PCARE: variants seen among roughly 807,000 people sequenced by gnomAD.
PCARE encodes the protein photoreceptor cilium actin regulator.
In PCARE, 72 loss-of-function variants were observed where a neutral mutation model predicts 82.2. The observed-to-expected ratio is 0.88, with a 90% confidence interval of 0.72 to 1.07. PCARE has a LOEUF of 1.07. PCARE is among the 50% of genes least tolerant of loss of function. The pLI is 0.00. For synonymous variants in PCARE, 705 were observed against 634.8 expected (o/e 1.11, Z -1.66); for missense variants, 1,768 against 1,592.4 (o/e 1.11, Z -1.88).
rs1438881728 is a variant in PCARE, at chr2:29,072,576, C to G, written c.1686G>C (p.Gln562His). Residue 562 changes from glutamine (Q) to histidine (H), a missense_variant, in exon 1 of 2, where the codon CAG becomes CAC. Coordinates refer to ENST00000331664, the MANE Select transcript of PCARE (RefSeq NM_001029883.3). Reference sequence around the variant, plus strand: ...TCCCCTCCTCCTCCTCAGACCAGTCCTGGTGCCCACAGGGCACAGGGACAA... The same window carrying G: ...TCCCCTCCTCCTCCTCAGACCAGTCGTGGTGCCCACAGGGCACAGGGACAA... ...IKFVPVPCGH[Q>H]DWSEEEEGRT... The G allele has an allele frequency of 1.2e-6, 2 of 1,614,132 alleles. No individual in the cohort carries two copies. Among genetic ancestry groups the G allele is most frequent in the Admixed American group, 3.3e-5 (2 of 60,026 alleles).
intron 1 of PCARE, among the ~76,000 whole-genome samples, 170 bp downstream of exon 1, chr2:29,070,424 G>A (rs960011484): frequency 6.6e-6 from 1 of 152,158 alleles, no homozygotes; most frequent in African/African-American, 2.4e-5. Flanking sequence ...AGTAACTCAA[G>A]GTTGGAGAGT....
Position 29,072,008 on chromosome 2 carries a change from C to T in PCARE, c.2254G>A (p.Asp752Asn), listed in dbSNP as rs764602216. The T allele has an allele frequency of 1.9e-6, 3 of 1,614,064 alleles. No homozygotes were observed. Among genetic ancestry groups the T allele is most frequent in the Non-Finnish European group, 8.5e-7 (1 of 1,179,914 alleles). The part of the protein sequence containing the change: ...ESLRMLGDSK[D>N]AGASPCLRNC... The stretch of plus-strand genomic sequence containing the variant: ...CTGAGGCAGGGACTTGCCCCAGCGT[C>T]CTTAGAGTCCCCCAGCATCCTCAGA... Residue 752 changes from aspartate (D) to asparagine (N), a missense_variant, in exon 1 of 2, where the codon GAC (aspartate) becomes AAC (asparagine). Physicochemically the swap from Asp to Asn is conservative, Grantham distance 23. Coordinates refer to ENST00000331664, the MANE Select transcript of PCARE (RefSeq NM_001029883.3).
At position 29,072,945 on chromosome 2, in the gene PCARE, G is replaced by A. The variant is rs753845822; in HGVS notation, c.1317C>T (p.Ser439=). 4.3e-6 allele frequency: 7 copies of A among 1,614,024 alleles called. No individual in the cohort carries two copies. Among genetic ancestry groups the A allele is most frequent in the Non-Finnish European group, 5.9e-6 (7 of 1,180,028 alleles). The change falls in exon 1 of 2, where the codon AGC becomes AGT. Residue 439 remains serine (S), a synonymous_variant. Transcript: ENST00000331664. ...AAGGTGGGGAGGTGATATTTTCTGG[G>A]CTTGTACTGGAGAGGCATGGGCTCC... The part of the protein sequence containing the change: ...EARSPCLSST[S]PENITSPPLK...
At chr2:29,066,412 A>C (rs761351232) in intron 1 of PCARE, among the ~76,000 whole-genome samples, 8 of 152,196 alleles carry the variant, frequency 5.3e-5, no homozygotes, top group Non-Finnish European at 1.0e-4. Context: ...CAGTTGCCTC[A>C]GGGCCAGGAC....
In PCARE at chr2:29,071,218, G is replaced by C. The variant is rs202196567; in HGVS notation, c.3044C>G (p.Ser1015Cys). 1 of 1,608,530 alleles carries C rather than the reference G, an allele frequency of 6.2e-7. No homozygotes were observed. Among genetic ancestry groups the C allele is most frequent in the Non-Finnish European group, 8.5e-7 (1 of 1,177,266 alleles). ...GGGGCTTGGCTGGGCAGGTCTGTAA[G>C]AGGAGGGAAGGCTCCGGCGCCTCTT... ...ADKRRRSLPS[S>C]YRPAQPSPSA... is the part of the protein sequence containing the mutation. The change falls in exon 1 of 2, where the codon TCT (serine) becomes TGT (cysteine). Residue 1015 changes from serine to cysteine, a missense_variant. Ser to Cys is a moderately radical substitution (Grantham distance 112, BLOSUM62 -1). Transcript: ENST00000331664.
rs1041481957 is a variant in PCARE at position 29,072,420 on chromosome 2, C to G, written c.1842G>C (p.Arg614Ser). Residue 614 changes from arginine (R) to serine (S), a missense_variant, in exon 1 of 2, where the codon AGG becomes AGC. Transcript: ENST00000331664. ...GCTTCTGACTGAGGTCCCTCTGGAC[C>G]CTTCGCAGCTCCTGAAAGGTGGGGT... is the stretch of plus-strand genomic sequence containing the variant. ...VEDPTFQELR[R>S]VQRDLSQKLE... 6.2e-7 allele frequency: 1 copy of G among 1,614,152 alleles called. No individual in the cohort carries two copies.
chr2:29,070,262 TC>T (rs1427528444), intron 1 of PCARE, among the ~76,000 whole-genome samples: 1 of 152,112 alleles, frequency 6.6e-6, no homozygotes, highest in African/African-American at 2.4e-5. Flanking sequence ...AGGCTCTCCC[TC>T]CCCTTGTTCC....
chr2:29,071,498 G>A lies in PCARE; in HGVS notation c.2764C>T (p.Leu922=). The change falls in exon 1 of 2, where the codon CTG becomes TTG. Residue 922 remains leucine, a synonymous_variant. Coordinates refer to ENST00000331664, the MANE Select transcript of PCARE (RefSeq NM_001029883.3). ...RSSCQPRKPA[L]DLSSPPATSQ... is the part of the protein sequence containing the mutation. ...GTGGCTGGTGGGCTGCTCAGGTCCA[G>A]GGCTGGCTTCCTGGGCTGGCAGCTG... 1.2e-6 allele frequency: 2 copies of A among 1,610,446 alleles called. No homozygotes were observed. Among genetic ancestry groups the A allele is most frequent in the East Asian group, 4.5e-5 (2 of 44,880 alleles).
chr2:29,064,957 C>G lies in PCARE; in HGVS notation c.3779G>C (p.Gly1260Ala). ...RASPPEFCVL[G>A]HGLQPEPRTG... ...CCGAGGCTCCGGTTGCAGCCCGTGG[C>G]CCAGCACACAGAACTCTGGGGGAGA... The change falls in exon 2 of 2, where the codon GGC becomes GCC. Residue 1260 changes from glycine to alanine, a missense_variant. By Grantham distance (60) the Gly-to-Ala change is moderately conservative. Transcript: ENST00000331664. 1 of 1,605,212 alleles carries G rather than the reference C, an allele frequency of 6.2e-7. No individual in the cohort carries two copies. The highest frequency in any genetic ancestry group is 8.5e-7 in the Non-Finnish European group (1 of 1,176,284).
rs1466901815 is a variant in PCARE, at chr2:29,072,196, T to C, written c.2066A>G (p.Asn689Ser). The C allele has an allele frequency of 6.2e-7, 1 of 1,614,224 alleles. No individual in the cohort carries two copies. The highest frequency in any genetic ancestry group is 1.1e-5 in the South Asian group (1 of 91,078). ...SQDKSILQKC[N>S]PHPEDEQGKA... ...GCCTTGTTCGTCCTCAGGATGGGGA[T>C]TGCATTTCTGCAAGATGCTCTTGTC... The change falls in exon 1 of 2, where the codon AAT (asparagine) becomes AGT (serine). Residue 689 changes from asparagine to serine, a missense_variant. Asn to Ser is a conservative substitution (Grantham distance 46, BLOSUM62 1). Coordinates refer to ENST00000331664, the MANE Select transcript of PCARE (RefSeq NM_001029883.3).
chr2:29,071,844 G>C lies in PCARE; in HGVS notation c.2418C>G (p.Pro806=). 1 of 1,614,252 alleles carries C rather than the reference G, an allele frequency of 6.2e-7. No homozygotes were observed. Among genetic ancestry groups the C allele is most frequent in the Non-Finnish European group, 8.5e-7 (1 of 1,180,052 alleles). ...IGWKPLAPIF[P]PLPKAEAAKS... is the part of the protein sequence containing the mutation. ...TGGCTGCTTCTGCTTTAGGCAGAGG[G>C]GGAAAGATAGGTGCTAAGGGCTTCC... Residue 806 remains proline (P), a synonymous_variant, in exon 1 of 2, where the codon CCC becomes CCG. Coordinates refer to ENST00000331664, the MANE Select transcript of PCARE (RefSeq NM_001029883.3).
At position 29,072,390 on chromosome 2, in the gene PCARE, C is replaced by T. The variant is rs779519431; in HGVS notation, c.1872G>A (p.Glu624=). The T allele has an allele frequency of 1.2e-5, 20 of 1,614,200 alleles. No homozygotes were observed. Among genetic ancestry groups the T allele is most frequent in the Non-Finnish European group, 1.7e-5 (20 of 1,180,036 alleles). The change falls in exon 1 of 2, where the codon GAG becomes GAA. Residue 624 remains glutamate (E), a synonymous_variant. Transcript: ENST00000331664. ...CTTTGGCACCCAGGGCATAAAATGC[C>T]TCCAGCTTCTGACTGAGGTCCCTCT... The part of the protein sequence containing the change: ...RVQRDLSQKL[E]AFYALGAKGQ...
In PCARE at chr2:29,070,794, G is replaced by C; in HGVS notation, c.3468C>G (p.Leu1156=). The C allele has an allele frequency of 6.2e-7, 1 of 1,614,110 alleles. No individual in the cohort carries two copies. The highest frequency in any genetic ancestry group is 8.5e-7 in the Non-Finnish European group (1 of 1,180,034). The change falls in exon 1 of 2, where the codon CTC becomes CTG. Residue 1156 remains leucine, a synonymous_variant. Coordinates refer to ENST00000331664, the MANE Select transcript of PCARE (RefSeq NM_001029883.3). ...PSLPPEAGGP[L]GNPAECWKNS... is the part of the protein sequence containing the mutation. Reference sequence around the variant, plus strand: ...TCTTCCAGCATTCTGCTGGGTTCCCGAGAGGGCCCCCAGCCTCTGGCGGCA... The same window carrying C: ...TCTTCCAGCATTCTGCTGGGTTCCCCAGAGGGCCCCCAGCCTCTGGCGGCA...
At chr2:29,068,090 G>C (rs1372567170) in intron 1 of PCARE, among the ~76,000 whole-genome samples, 2 of 152,182 alleles carry the variant, frequency 1.3e-5, no homozygotes, top group African/African-American at 2.4e-5. Flanking sequence ...GAAGGGCACA[G>C]TTCTAGAAAT....
chr2:29,073,917 C>T lies in PCARE; in HGVS notation c.345G>A (p.Pro115=), dbSNP rs549344507. The T allele has an allele frequency of 2.9e-5, 47 of 1,614,238 alleles. No individual in the cohort carries two copies. The highest frequency in any genetic ancestry group is 1.5e-4 in the African/African-American group (11 of 75,068). ...KSQSHMAKDI[P]FKTQGSHGSQ... ...ATCCATGGGAACCCTGTGTCTTGAACGGAATATCCTTAGCCATGTGGCTTT... is the reference window on the plus strand; with the variant it reads ...ATCCATGGGAACCCTGTGTCTTGAATGGAATATCCTTAGCCATGTGGCTTT... The change falls in exon 1 of 2, where the codon CCG becomes CCA. Residue 115 remains proline (P), a synonymous_variant. Transcript: ENST00000331664.
At position 29,072,379 on chromosome 2, in the gene PCARE, G is replaced by T. The variant is rs750343862; in HGVS notation, c.1883C>A (p.Ala628Asp). 4 of 1,614,108 alleles carry T rather than the reference G, an allele frequency of 2.5e-6. No individual in the cohort carries two copies. The highest frequency in any genetic ancestry group is 3.4e-6 in the Non-Finnish European group (4 of 1,180,030). The change falls in exon 1 of 2, where the codon GCC (alanine) becomes GAC (aspartate). Residue 628 changes from alanine to aspartate, a missense_variant. Transcript: ENST00000331664. ...CTGCCCCTGCCCTTTGGCACCCAGG[G>T]CATAAAATGCCTCCAGCTTCTGACT... ...DLSQKLEAFY[A>D]LGAKGQGQSQ...
chr2:29,070,475 C>A, intron 1 of PCARE, 119 bp downstream of exon 1: 1 of 1,383,292 alleles, frequency 7.2e-7, no homozygotes, highest in South Asian at 1.2e-5. Flanking sequence ...TTCCCAACTG[C>A]CTCTTCTCTT....
At chr2:29,068,796 G>A (rs56091415) in intron 1 of PCARE, among the ~76,000 whole-genome samples, 32,840 of 152,084 alleles carry the variant, frequency 0.22, 3,919 homozygotes, top group East Asian at 0.36. Flanking sequence ...GGATTCTGGT[G>A]CTCAGCACTC....
Position 29,073,669 on chromosome 2 carries a change from T to C in PCARE, c.593A>G (p.Tyr198Cys), listed in dbSNP as rs1271129884. Reference protein sequence around the residue: ...YTYLHSSLSKYEAILCIIHQA... With the variant: ...YTYLHSSLSKCEAILCIIHQA... Reference sequence around the variant, plus strand: ...ATGGATGATGCACAGAATTGCTTCATATTTGGAGAGGCTGGAGTGTAGATA... The same window carrying C: ...ATGGATGATGCACAGAATTGCTTCACATTTGGAGAGGCTGGAGTGTAGATA... The change falls in exon 1 of 2, where the codon TAT becomes TGT. Residue 198 changes from tyrosine (Y) to cysteine (C), a missense_variant. Transcript: ENST00000331664. The C allele has an allele frequency of 1.1e-5, 18 of 1,614,144 alleles. No individual in the cohort carries two copies. The highest frequency in any genetic ancestry group is 1.4e-5 in the Non-Finnish European group (17 of 1,180,032).
Sources: allele counts gnomAD v4.1 joint callset (sites outside exome capture counted in the v4.1 genomes callset), GRCh38; gene constraint gnomAD v4.1.1; transcripts MANE v1.5; gene names NCBI Gene and HGNC (gene_info 2026-07-23, HGNC 2026-07-21).